The following C1orf198 variants were observed in gnomAD, a reference collection of about 807,000 sequenced individuals.
C1orf198 encodes the protein uncharacterized protein C1orf198.
In C1orf198, 17 loss-of-function variants were observed where a neutral mutation model predicts 31.4. The observed-to-expected ratio is 0.54, with a 90% CI of 0.37 to 0.81. The LOEUF (loss-of-function observed/expected upper bound fraction) is 0.81, where lower values mean the gene tolerates loss of function less well. Ranked by LOEUF, C1orf198 falls within the 40% of genes least tolerant of loss-of-function variation. The pLI is 0.00. For missense variants in C1orf198, 401 were observed against 450.3 expected (o/e 0.89, Z 0.99); for synonymous variants, 175 against 193.8 (o/e 0.90, Z 0.81).
upstream of C1orf198, chr1:230,868,725 C>CT (rs1670188661): frequency 1.0e-5 from 2 of 196,514 alleles, no homozygotes; most frequent in African/African-American, 2.4e-5. Flanking sequence ...GGCCCCCCCC[C>CT]GCCACCCCCT....
rs145514152 is a variant in C1orf198 at position 230,852,072 on chromosome 1, C to T, written c.384+3596G>A. ...TCAGAGCTGGGCACTCTGCTGGCAT[C>T]CACTAAATGTCTGTTGAACTGAATA... On this transcript the variant is annotated intron_variant, in intron 2 of 3. Coordinates refer to ENST00000366663, the MANE Select transcript of C1orf198 (RefSeq NM_032800.3). 2.0e-5 allele frequency among the ~76,000 whole-genome samples: 3 copies of T among 152,284 alleles called. No homozygotes were observed. The East Asian group carries it at 5.8e-4, about 29-fold the overall frequency.
At chr1:230,844,957 T>G (rs769045927) in intron 2 of C1orf198, among the ~76,000 whole-genome samples, 4 of 152,218 alleles carry the variant, frequency 2.6e-5, no homozygotes, top group African/African-American at 7.2e-5. Flanking sequence ...GAATGTTGTC[T>G]TCCAAGCTCT....
intron 1 of C1orf198, among the ~76,000 whole-genome samples, chr1:230,862,197 T>C (rs1670019144): frequency 6.6e-6 from 1 of 152,160 alleles, no homozygotes; most frequent in Non-Finnish European, 1.5e-5. Context: ...AAGGTTTAAT[T>C]ACCGAGTGAC....
chr1:230,847,262 G>GCTGGC (rs1669617944), intron 2 of C1orf198, among the ~76,000 whole-genome samples: 1 of 143,488 alleles, frequency 7.0e-6, no homozygotes, highest in South Asian at 2.2e-4. Context: ...CTGGGCAACA[G>GCTGGC]AATGAGACTC....
intron 2 of C1orf198, among the ~76,000 whole-genome samples, chr1:230,851,968 G>A (rs1251956535): frequency 3.3e-5 from 5 of 152,186 alleles, no homozygotes; most frequent in Admixed American, 6.5e-5. Context: ...AAATCCCTGC[G>A]ATTCTTAACT....
Position 230,868,243 on chromosome 1 carries a change from C to G in C1orf198, c.270G>C (p.Glu90Asp). 6.4e-7 allele frequency: 1 copy of G among 1,559,948 alleles called. No individual in the cohort carries two copies. Among genetic ancestry groups the G allele is most frequent in the South Asian group, 1.2e-5 (1 of 85,784 alleles). The change falls in exon 1 of 4, where the codon GAG becomes GAC. Residue 90 changes from glutamate (E) to aspartate (D), a missense_variant. Coordinates refer to ENST00000366663, the MANE Select transcript of C1orf198 (RefSeq NM_032800.3). ...PAPRDPGDSE[E>D]LTRFPGLRGP... is the part of the protein sequence containing the mutation. The stretch of plus-strand genomic sequence containing the variant: ...CGCGCAAGCCGGGGAAGCGCGTGAG[C>G]TCCTCCGAGTCCCCGGGGTCTCGGG...
At position 230,843,491 on chromosome 1, in the gene C1orf198, T is replaced by A; in HGVS notation, c.790A>T (p.Arg264Ter). 6.2e-7 allele frequency: 1 copy of A among 1,612,396 alleles called. No homozygotes were observed. Among genetic ancestry groups the A allele is most frequent in the Admixed American group, 1.7e-5 (1 of 59,840 alleles). ...CTGAAGGCCTGGACAGGCTGGGGTC[T>A]CTCACGTTCGGTGCTCACGTTGGGA... ...PLPNVSTERE[R>*]PQPVQAFSSA... is the part of the protein sequence containing the mutation. Residue 264 changes from arginine (R) to a stop codon, truncating the protein, a stop_gained, in exon 3 of 4, where the codon AGA becomes TGA. Transcript: ENST00000366663. LOFTEE classifies it high-confidence loss of function. This position sits in a 1 kb window ranked among gnomAD's most constrained non-coding sequence, Gnocchi z 4.9.
intron 3 of C1orf198, among the ~76,000 whole-genome samples, chr1:230,842,135 A>T (rs1050107907): frequency 6.6e-6 from 1 of 152,294 alleles, no homozygotes; most frequent in South Asian, 2.1e-4. Context: ...GCGGGGAGGG[A>T]TGAATGAGAA....
In C1orf198 at chr1:230,867,747, C is replaced by A. The variant is rs577655097; in HGVS notation, c.333+433G>T. Among the ~76,000 whole-genome samples, 17 of 152,302 alleles carry A rather than the reference C, an allele frequency of 1.1e-4. No homozygotes were observed. In the East Asian group the frequency reaches 3.3e-3, roughly 29 times the overall value. ...GGGCAGGCACGGGGTGGCGTTATTA[C>A]CCCCGTTTTACACAGTGGAAACTGA... is the stretch of plus-strand genomic sequence containing the variant. On this transcript the variant is annotated intron_variant, in intron 1 of 3. Transcript: ENST00000366663.
chr1:230,841,060 G>A lies in C1orf198; in HGVS notation c.928-1152C>T, dbSNP rs560893077. ...GAGTGGGGACTATCACCTATTTTATGGAAATACTTCTTTCAGAGGAAGCCC... is the reference window on the plus strand; with the variant it reads ...GAGTGGGGACTATCACCTATTTTATAGAAATACTTCTTTCAGAGGAAGCCC... On this transcript the variant is annotated intron_variant, in intron 3 of 3. Coordinates refer to ENST00000366663, the MANE Select transcript of C1orf198 (RefSeq NM_032800.3). Among the ~76,000 whole-genome samples the A allele has an allele frequency of 1.3e-3, 205 of 152,334 alleles. 1 individual carries two copies. Among genetic ancestry groups the A allele is most frequent in the African/African-American group, 4.5e-3 (187 of 41,580 alleles).
chr1:230,839,712 T>C lies in C1orf198; in HGVS notation c.*140A>G. 1 of 718,458 alleles carries C rather than the reference T, an allele frequency of 1.4e-6. No individual in the cohort carries two copies. Among genetic ancestry groups the C allele is most frequent in the South Asian group, 1.9e-5 (1 of 53,572 alleles). The allele number at this position is 718,458 out of a possible 1,614,324, so 44.5% of individuals were successfully genotyped here. A position where few individuals can be genotyped will look rare whatever the true frequency, so the allele number is the denominator to read the frequency against. Reference sequence around the variant, plus strand: ...AAAAAAGAAAAAAATCTGGCAATATTGACCAGTTTCCAAATGATTAAGAAA... The same window carrying C: ...AAAAAAGAAAAAAATCTGGCAATATCGACCAGTTTCCAAATGATTAAGAAA... On this transcript the variant is annotated 3_prime_UTR_variant, in exon 4 of 4. Coordinates refer to ENST00000366663, the MANE Select transcript of C1orf198 (RefSeq NM_032800.3).
intron 2 of C1orf198, among the ~76,000 whole-genome samples, chr1:230,850,371 A>C (rs1342577498): frequency 6.6e-6 from 1 of 152,268 alleles, no homozygotes; most frequent in East Asian, 1.9e-4. Context: ...TGCTCAGCAC[A>C]GACCCGGCAC....
chr1:230,862,462 C>A (rs1437476403), intron 1 of C1orf198, among the ~76,000 whole-genome samples: 1 of 152,162 alleles, frequency 6.6e-6, no homozygotes, highest in African/African-American at 2.4e-5. Context: ...TTAGAAGCAA[C>A]CAAGATGTGT....
rs143119121 is a variant in C1orf198 at position 230,845,774 on chromosome 1, A to C, written c.385-1878T>G. 2.6e-3 allele frequency among the ~76,000 whole-genome samples: 399 copies of C among 152,316 alleles called. 3 individuals are homozygous for C. The highest frequency in any genetic ancestry group is 8.9e-3 in the African/African-American group (372 of 41,576). On this transcript the variant is annotated intron_variant, in intron 2 of 3. Transcript: ENST00000366663. Reference sequence around the variant, plus strand: ...AAACTACATGACAGAAAGTTTGGGAAATAGAAAAAAGAAAAAGAATCAGTC... The same window carrying C: ...AAACTACATGACAGAAAGTTTGGGACATAGAAAAAAGAAAAAGAATCAGTC...
intron 2 of C1orf198, among the ~76,000 whole-genome samples, chr1:230,846,036 A>G (rs1669580787): frequency 6.6e-6 from 1 of 152,236 alleles, no homozygotes; most frequent in South Asian, 2.1e-4. Context: ...TTTCTTATTA[A>G]CAGACAATTT....
intron 1 of C1orf198, among the ~76,000 whole-genome samples, chr1:230,865,261 C>G (rs1389070563): frequency 6.6e-6 from 1 of 152,196 alleles, no homozygotes; most frequent in African/African-American, 2.4e-5. Flanking sequence ...GCTCCACCGG[C>G]TCCTCTCCTT....
At chr1:230,865,381 T>C (rs1670096303) in intron 1 of C1orf198, among the ~76,000 whole-genome samples, 1 of 152,246 alleles carries the variant, frequency 6.6e-6, no homozygotes. Context: ...ACTTCCATGC[T>C]TTTTTACTGA....
Position 230,863,768 on chromosome 1 carries a change from A to C in C1orf198, c.333+4412T>G, listed in dbSNP as rs6656148. Reference sequence around the variant, plus strand: ...TCTCCTCTCAGCCCGTGGAACTGGAATTGAAGCAGGGCCATCTCAACTCCT... The same window carrying C: ...TCTCCTCTCAGCCCGTGGAACTGGACTTGAAGCAGGGCCATCTCAACTCCT... On this transcript the variant is annotated intron_variant, in intron 1 of 3. Transcript: ENST00000366663. Among the ~76,000 whole-genome samples, 428 of 152,334 alleles carry C rather than the reference A, an allele frequency of 2.8e-3. 2 individuals are homozygous for C. Among genetic ancestry groups the C allele is most frequent in the African/African-American group, 9.1e-3 (380 of 41,580 alleles).
intron 1 of C1orf198, chr1:230,856,212 G>C (rs1669869227): frequency 6.3e-6 from 1 of 157,552 alleles, no homozygotes; most frequent in African/African-American, 2.4e-5. Flanking sequence ...TAATCTGCCA[G>C]TCAATGCCAA....
Sources: gnomAD v4.1 joint callset for allele counts (sites outside exome capture counted in the v4.1 genomes callset) on GRCh38, gnomAD v4.1.1 for gene constraint, Gnocchi (gnomAD v3.1) non-coding constraint, MANE v1.5 for transcripts, NCBI Gene and HGNC (gene_info 2026-07-23, HGNC 2026-07-21) for gene names.